Variants in FRMD5 observed in about 807,000 individuals in gnomAD.
The protein encoded by FRMD5 is FERM domain containing 5.
In FRMD5, 20 loss-of-function variants were observed where a neutral mutation model predicts 69.0. That is an observed-to-expected ratio of 0.29 (90% confidence interval 0.20 to 0.42). The LOEUF is 0.42. Ranked by LOEUF, FRMD5 falls within the 10% of genes least tolerant of loss-of-function variation. The pLI, the probability that FRMD5 is intolerant of heterozygous loss-of-function variation, is 1.00. For synonymous variants in FRMD5, 271 were observed against 260.1 expected (o/e 1.04, Z -0.40); for missense variants, 595 against 708.6 (o/e 0.84, Z 1.82).
intron 1 of FRMD5, among the ~76,000 whole-genome samples, chr15:44,130,893 C>G (rs768308997): frequency 6.6e-6 from 1 of 152,046 alleles, no homozygotes; most frequent in Non-Finnish European, 1.5e-5. Flanking sequence ...AGTAATTTCA[C>G]AGTAATAGCA....
chr15:43,945,406 A>G lies in FRMD5; in HGVS notation c.103-21097T>C, dbSNP rs1023751652. ...CAAAGAACTAGAAAGAATACTAAAC[A>G]AAAGCCAAAGTCACGGTCAGTTGTA... On this transcript the variant is annotated intron_variant, in intron 1 of 13. Coordinates refer to ENST00000417257, the MANE Select transcript of FRMD5 (RefSeq NM_032892.5). Among the ~76,000 whole-genome samples the G allele has an allele frequency of 2.0e-5, 3 of 152,236 alleles. No homozygotes were observed. In the South Asian group the frequency reaches 6.2e-4, roughly 32 times the overall value.
At chr15:44,109,330 T>G (rs2076764865) in intron 1 of FRMD5, among the ~76,000 whole-genome samples, 1 of 152,182 alleles carries the variant, frequency 6.6e-6, no homozygotes, top group African/African-American at 2.4e-5. Context: ...CCTTCATTTT[T>G]GAAAGACATT....
chr15:44,055,870 G>A (rs1277185568), intron 1 of FRMD5, among the ~76,000 whole-genome samples: 5 of 152,136 alleles, frequency 3.3e-5, no homozygotes, highest in East Asian at 1.9e-4. Flanking sequence ...CAGCACTGAC[G>A]ATTCTCTAAT....
intron 1 of FRMD5, among the ~76,000 whole-genome samples, chr15:43,928,753 G>A (rs2089627975): frequency 6.6e-6 from 1 of 152,238 alleles, no homozygotes; most frequent in Non-Finnish European, 1.5e-5. Context: ...CTGGCACTGT[G>A]GCTAAACTGT....
chr15:44,064,839 C>A (rs1258550377), intron 1 of FRMD5, among the ~76,000 whole-genome samples: 2 of 152,128 alleles, frequency 1.3e-5, no homozygotes, highest in Non-Finnish European at 2.9e-5. Context: ...ACTCAAGATG[C>A]TCTGGAAATT....
rs959712949 is a variant in FRMD5, at chr15:43,893,556, A to T, written c.640-1487T>A. On this transcript the variant is annotated intron_variant, in intron 7 of 13. Transcript: ENST00000417257. ...GCACCGTCAGGCTGCATGAATGGTG[A>T]TGGAGAGGGTGTAAGTGTGTTGAGG... is the stretch of plus-strand genomic sequence containing the variant. Among the ~76,000 whole-genome samples the T allele has an allele frequency of 7.9e-5, 12 of 152,304 alleles. No homozygotes were observed. The Middle Eastern group carries it at 0.01, about 130-fold the overall frequency.
chr15:44,044,475 T>C (rs1221516060), intron 1 of FRMD5, among the ~76,000 whole-genome samples: 1 of 152,170 alleles, frequency 6.6e-6, no homozygotes, highest in Non-Finnish European at 1.5e-5. Context: ...GTATGTTTAT[T>C]GAGGCACTAC....
intron 1 of FRMD5, among the ~76,000 whole-genome samples, chr15:44,036,241 A>C (rs1180706254): frequency 6.6e-6 from 1 of 152,078 alleles, no homozygotes; most frequent in Non-Finnish European, 1.5e-5. Context: ...TCTCCTGACC[A>C]AGGTTGAACT....
At chr15:44,108,690 A>T (rs1226257177) in intron 1 of FRMD5, among the ~76,000 whole-genome samples, 1 of 151,914 alleles carries the variant, frequency 6.6e-6, no homozygotes, top group Admixed American at 6.6e-5. Context: ...CTCTGGGCAC[A>T]GTGGCTCACG....
At chr15:43,930,749 T>C (rs1258627257) in intron 1 of FRMD5, among the ~76,000 whole-genome samples, 1 of 152,198 alleles carries the variant, frequency 6.6e-6, no homozygotes, top group Non-Finnish European at 1.5e-5. Context: ...TTGGCAGTCC[T>C]CACTTGGGTC....
intron 2 of FRMD5, among the ~76,000 whole-genome samples, chr15:43,920,812 C>A (rs2089480735): frequency 6.6e-6 from 1 of 152,136 alleles, no homozygotes; most frequent in Admixed American, 6.6e-5. Context: ...ATACTTCCTT[C>A]TTTTCTGGCT....
intron 7 of FRMD5, among the ~76,000 whole-genome samples, chr15:43,896,729 C>T (rs1313810943): frequency 6.6e-6 from 1 of 152,242 alleles, no homozygotes; most frequent in African/African-American, 2.4e-5. Context: ...GTAGGCAACA[C>T]AGCATTCTTG....
chr15:44,138,457 A>C (rs1455857260), intron 1 of FRMD5, among the ~76,000 whole-genome samples: 1 of 152,246 alleles, frequency 6.6e-6, no homozygotes, highest in Non-Finnish European at 1.5e-5. Context: ...CAAACACTTC[A>C]TCAGCAATAA....
At chr15:43,946,004 G>A (rs1314429479) in intron 1 of FRMD5, among the ~76,000 whole-genome samples, 8 of 151,666 alleles carry the variant, frequency 5.3e-5, no homozygotes, top group African/African-American at 1.2e-4. Flanking sequence ...GTAGTGAGCC[G>A]AGATTGCACC....
At chr15:44,141,071 C>G (rs1194978760) in intron 1 of FRMD5, among the ~76,000 whole-genome samples, 1 of 151,836 alleles carries the variant, frequency 6.6e-6, no homozygotes, top group Non-Finnish European at 1.5e-5. Flanking sequence ...TACAGGGTAA[C>G]TGTGGAAAAA....
intron 7 of FRMD5, among the ~76,000 whole-genome samples, chr15:43,894,102 T>A (rs909350287): frequency 3.9e-5 from 6 of 152,230 alleles, no homozygotes; most frequent in African/African-American, 1.4e-4. Context: ...ATTTTCCTCC[T>A]GCTTATAATC....
intron 1 of FRMD5, among the ~76,000 whole-genome samples, chr15:44,154,222 C>T (rs1002226258): frequency 2.2e-4 from 34 of 152,110 alleles, no homozygotes; most frequent in African/African-American, 7.0e-4. Flanking sequence ...ATTCAGGAGG[C>T]TGAGGTGGGA....
chr15:44,186,288 T>C (rs995659986), intron 1 of FRMD5, among the ~76,000 whole-genome samples: 1 of 152,176 alleles, frequency 6.6e-6, no homozygotes, highest in Non-Finnish European at 1.5e-5. Flanking sequence ...ACAAGAATCT[T>C]AGTGGCACCT....
chr15:43,989,772 C>A, intron 1 of FRMD5: 2 of 1,005,260 alleles, frequency 2.0e-6, no homozygotes, highest in Non-Finnish European at 3.1e-6. Flanking sequence ...ACAGCACGGC[C>A]TGGATGGCCA....
Sources: gnomAD v4.1 joint callset for allele counts (sites outside exome capture counted in the v4.1 genomes callset) on GRCh38, gnomAD v4.1.1 for gene constraint, MANE v1.5 for transcripts, NCBI Gene and HGNC (gene_info 2026-07-23, HGNC 2026-07-21) for gene names.